Variants in PSMG3 observed in about 807,000 individuals in gnomAD.
The protein encoded by PSMG3 is PAC-3.
In PSMG3, 4 loss-of-function variants were observed where a neutral mutation model predicts 7.9. The ratio of observed to expected loss-of-function variants is 0.51; its 90% CI spans 0.25 to 1.16. PSMG3 has a LOEUF of 1.16. PSMG3 is among the 50% of genes most tolerant of loss of function. PSMG3 has a pLI of 0.15. For missense variants in PSMG3, 151 were observed against 157.4 expected (o/e 0.96, Z 0.22); for synonymous variants, 81 against 69.8 (o/e 1.16, Z -0.80).
Position 1,567,450 on chromosome 7 carries a change from A to G in PSMG3, c.*248T>C. ...ATTCCTCCAATTCTCAAACACAAGC[A>G]ACGATTCAGGTCCTGGTGAGAACCA... is the stretch of plus-strand genomic sequence containing the variant. On this transcript the variant is annotated 3_prime_UTR_variant, in exon 2 of 2. Coordinates refer to ENST00000288607, the MANE Select transcript of PSMG3 (RefSeq NM_032302.4). 1 of 380,152 alleles carries G rather than the reference A, an allele frequency of 2.6e-6. No homozygotes were observed. Among genetic ancestry groups the G allele is most frequent in the African/African-American group, 2.1e-5 (1 of 48,142 alleles). The allele number at this position is 380,152 out of a possible 1,614,324, so 23.5% of individuals were successfully genotyped here.
rs369478332 is a variant in PSMG3, at chr7:1,567,650, T to G, written c.*48A>C. 9 of 1,565,188 alleles carry G rather than the reference T, an allele frequency of 5.8e-6. No homozygotes were observed. In the East Asian group the frequency reaches 9.1e-5, roughly 16 times the overall value. ...AGACTTGAGTCCCTGAGTGGGTGTC[T>G]GGGTGTTCACGTGTCCTGCTGAGCA... On this transcript the variant is annotated 3_prime_UTR_variant, in exon 2 of 2. Transcript: ENST00000288607.
chr7:1,567,636 C>G lies in PSMG3; in HGVS notation c.*62G>C. On this transcript the variant is annotated 3_prime_UTR_variant, in exon 2 of 2. Coordinates refer to ENST00000288607, the MANE Select transcript of PSMG3 (RefSeq NM_032302.4). ...CGGGGAGGGAGGTGAGACTTGAGTC[C>G]CTGAGTGGGTGTCTGGGTGTTCACG... 6 of 1,517,316 alleles carry G rather than the reference C, an allele frequency of 4.0e-6. No homozygotes were observed. Among genetic ancestry groups the G allele is most frequent in the Non-Finnish European group, 4.4e-6 (5 of 1,127,682 alleles). The allele number at this position is 1,517,316 out of a possible 1,614,324, so 94.0% of individuals were successfully genotyped here.
intron 1 of PSMG3, 101 bp downstream of exon 1, chr7:1,569,023 G>T: frequency 1.1e-6 from 1 of 903,598 alleles, no homozygotes; most frequent in South Asian, 1.5e-5. Flanking sequence ...TGTTGCCCAG[G>T]CTGGTTTCAA....
chr7:1,569,360 G>C lies in PSMG3; in HGVS notation c.-21C>G, dbSNP rs967396961. ...TCCATGGCGGGGCTCTGCAGTGGCAGCTTTAATTTAGGTTAAAAAGAAAGG... is the reference window on the plus strand; with the variant it reads ...TCCATGGCGGGGCTCTGCAGTGGCACCTTTAATTTAGGTTAAAAAGAAAGG... On this transcript the variant is annotated 5_prime_UTR_variant, in exon 1 of 2. Transcript: ENST00000288607. 6 of 1,565,034 alleles carry C rather than the reference G, an allele frequency of 3.8e-6. No homozygotes were observed. Among genetic ancestry groups the C allele is most frequent in the Non-Finnish European group, 5.2e-6 (6 of 1,151,606 alleles).
chr7:1,567,788 T>C lies in PSMG3; in HGVS notation c.279A>G (p.Arg93=). ...VAFVSQEAGN[R]AVLLAVAVKD... is the part of the protein sequence containing the mutation. ...TCACGGCCACGGCGAGGAGGACTGC[T>C]CTGTTTCCAGCTTCTTGAGACACAA... The change falls in exon 2 of 2, where the codon AGA becomes AGG. Residue 93 remains arginine (R), a synonymous_variant. Coordinates refer to ENST00000288607, the MANE Select transcript of PSMG3 (RefSeq NM_032302.4). The C allele has an allele frequency of 6.2e-7, 1 of 1,614,152 alleles. No individual in the cohort carries two copies.
chr7:1,568,043 GACCATC>G (rs1778807172), intron 1 of PSMG3, among the ~76,000 whole-genome samples, 193 bp from the exon 2 acceptor site: 1 of 152,064 alleles, frequency 6.6e-6, no homozygotes, highest in Admixed American at 6.6e-5. Context: ...CACTGCTAAA[GACCATC>G]ACTCCATTCA....
At position 1,569,420 on chromosome 7, in the gene PSMG3, G is replaced by C; in HGVS notation, c.-81C>G. ...GGAGTCAATCAAACAGTACAGCCTT[G>C]GGGCTCCCAAAAAAGTAGCACGGGG... On this transcript the variant is annotated 5_prime_UTR_variant, in exon 1 of 2. Coordinates refer to ENST00000288607, the MANE Select transcript of PSMG3 (RefSeq NM_032302.4). 8.3e-7 allele frequency: 1 copy of C among 1,206,854 alleles called. No homozygotes were observed. Among genetic ancestry groups the C allele is most frequent in the Non-Finnish European group, 1.1e-6 (1 of 880,894 alleles). The allele number at this position is 1,206,854 out of a possible 1,614,324, so 74.8% of individuals were successfully genotyped here. A position where few individuals can be genotyped will look rare whatever the true frequency, so the allele number is the denominator to read the frequency against.
At chr7:1,568,742 G>T (rs997143722) in intron 1 of PSMG3, among the ~76,000 whole-genome samples, 2 of 152,106 alleles carry the variant, frequency 1.3e-5, no homozygotes, top group Non-Finnish European at 2.9e-5. Flanking sequence ...CCGCCTCTCG[G>T]GTTCAAGCGA....
At position 1,570,025 on chromosome 7, in the gene PSMG3, C is replaced by G. The variant is rs1447253915; in HGVS notation, c.-686G>C. ...CGCGCTCACCAAGCCGGCGCCGCGCCCGGAAGTGGCTCTGCGTGCGCCACG... is the reference window on the plus strand; with the variant it reads ...CGCGCTCACCAAGCCGGCGCCGCGCGCGGAAGTGGCTCTGCGTGCGCCACG... On this transcript the variant is annotated 5_prime_UTR_variant, in exon 1 of 2. Coordinates refer to ENST00000288607, the MANE Select transcript of PSMG3 (RefSeq NM_032302.4). The G allele has an allele frequency of 6.6e-6, 1 of 152,072 alleles. No individual in the cohort carries two copies. Among genetic ancestry groups the G allele is most frequent in the African/African-American group, 2.4e-5 (1 of 41,430 alleles). The allele number at this position is 152,072 out of a possible 1,614,324, so 9.4% of individuals were successfully genotyped here. A position where few individuals can be genotyped will look rare whatever the true frequency, so the allele number is the denominator to read the frequency against.
Position 1,569,254 on chromosome 7 carries a change from C to A in PSMG3, c.86G>T (p.Ser29Ile). ...VPTQVVCTAF[S>I]SHILVVVTQF... ...GGTCACCACCACCAGGATGTGACTG[C>A]TGAAGGCCGTACACACCACCTGGGT... The change falls in exon 1 of 2, where the codon AGC (serine) becomes ATC (isoleucine). Residue 29 changes from serine (S) to isoleucine (I), a missense_variant. By Grantham distance (142) the Ser-to-Ile change is moderately radical. Transcript: ENST00000288607. 6.2e-7 allele frequency: 1 copy of A among 1,613,766 alleles called. No homozygotes were observed. Among genetic ancestry groups the A allele is most frequent in the Non-Finnish European group, 8.5e-7 (1 of 1,180,024 alleles).
At chr7:1,568,733 C>T (rs1330033562) in intron 1 of PSMG3, among the ~76,000 whole-genome samples, 4 of 152,068 alleles carry the variant, frequency 2.6e-5, no homozygotes, top group South Asian at 2.1e-4. Context: ...CTGCAACCTC[C>T]GCCTCTCGGG....
rs574660156 is a variant in PSMG3 at position 1,569,726 on chromosome 7, T to C, written c.-387A>G. On this transcript the variant is annotated 5_prime_UTR_variant, in exon 1 of 2. The change abolishes an upstream ATG in the 5' untranslated region. Transcript: ENST00000288607. ...GCTGCGGTGAGCCGTGATCACACCA[T>C]TGCATTACAACCCGGGCGGTAGAGC... 3.6e-4 allele frequency: 64 copies of C among 177,102 alleles called. No homozygotes were observed. Among genetic ancestry groups the C allele is most frequent in the East Asian group, 2.4e-3 (15 of 6,264 alleles). 11.0% of individuals were successfully genotyped at this position (177,102 alleles called of 1,614,324 possible). A position where few individuals can be genotyped will look rare whatever the true frequency, so the allele number is the denominator to read the frequency against.
chr7:1,569,605 CAAAAAA>C lies in PSMG3; in HGVS notation c.-272_-267del, dbSNP rs60165118. ...AACATAGCGAGACCCCCATCTCTAC[CAAAAAA>C]AAAAAAAAAAAAAACCAGCAGGGCG... On this transcript the variant is annotated 5_prime_UTR_variant, in exon 1 of 2. Transcript: ENST00000288607. 16 of 102,138 alleles carry C rather than the reference CAAAAAA, an allele frequency of 1.6e-4. No homozygotes were observed. The highest frequency in any genetic ancestry group is 2.5e-4 in the South Asian group (1 of 4,006). The allele number at this position is 102,138 out of a possible 1,614,324, so 6.3% of individuals were successfully genotyped here.
chr7:1,569,315 A>G lies in PSMG3; in HGVS notation c.25T>C (p.Ser9Pro). The G allele has an allele frequency of 4.3e-6, 7 of 1,610,414 alleles. No individual in the cohort carries two copies. Among genetic ancestry groups the G allele is most frequent in the South Asian group, 1.1e-5 (1 of 90,810 alleles). MEDTPLVI[S>P]KQKTEVVCGV... ...CACACCACCTCCGTCTTCTGCTTCG[A>G]TATCACCAACGGCGTGTCTTCCATG... The change falls in exon 1 of 2, where the codon TCG becomes CCG. Residue 9 changes from serine (S) to proline (P), a missense_variant. Physicochemically the swap from Ser to Pro is moderately conservative, Grantham distance 74. Coordinates refer to ENST00000288607, the MANE Select transcript of PSMG3 (RefSeq NM_032302.4).
At position 1,569,205 on chromosome 7, in the gene PSMG3, C is replaced by T. The variant is rs770332064; in HGVS notation, c.135G>A (p.Leu45=). 1 of 1,613,532 alleles carries T rather than the reference C, an allele frequency of 6.2e-7. No individual in the cohort carries two copies. ...VVTQFGKMGT[L]VSLEPSSVAS... ...CCACGCTGCTGGGCTCCAGGGAGAC[C>T]AGGGTGCCCATCTTCCCAAACTGGG... The change falls in exon 1 of 2, where the codon CTG becomes CTA. Residue 45 remains leucine (L), a synonymous_variant. Coordinates refer to ENST00000288607, the MANE Select transcript of PSMG3 (RefSeq NM_032302.4).
intron 1 of PSMG3, among the ~76,000 whole-genome samples, chr7:1,568,379 C>T (rs936033382): frequency 6.6e-6 from 1 of 151,966 alleles, no homozygotes; most frequent in South Asian, 2.1e-4. Flanking sequence ...CCGCCAGATG[C>T]CCCATGTCCT....
At position 1,569,367 on chromosome 7, in the gene PSMG3, T is replaced by C. The variant is rs1270997800; in HGVS notation, c.-28A>G. The C allele has an allele frequency of 2.6e-6, 4 of 1,545,884 alleles. No homozygotes were observed. The highest frequency in any genetic ancestry group is 1.9e-5 in the Admixed American group (1 of 52,808). On this transcript the variant is annotated 5_prime_UTR_variant, in exon 1 of 2. Coordinates refer to ENST00000288607, the MANE Select transcript of PSMG3 (RefSeq NM_032302.4). ...CGGGGCTCTGCAGTGGCAGCTTTAA[T>C]TTAGGTTAAAAAGAAAGGGGAAAAA... is the stretch of plus-strand genomic sequence containing the variant.
rs550563429 is a variant in PSMG3 at position 1,567,397 on chromosome 7, G to C, written c.*301C>G. ...CTCCTACAATTGATCCTGCACACGG[G>C]GGGGCCATGAGCCACGCCTGCTGAC... is the stretch of plus-strand genomic sequence containing the variant. On this transcript the variant is annotated 3_prime_UTR_variant, in exon 2 of 2. Coordinates refer to ENST00000288607, the MANE Select transcript of PSMG3 (RefSeq NM_032302.4). The C allele has an allele frequency of 5.4e-5, 17 of 313,054 alleles. No homozygotes were observed. Among genetic ancestry groups the C allele is most frequent in the Admixed American group, 2.0e-4 (4 of 20,016 alleles). The allele number at this position is 313,054 out of a possible 1,614,324, so 19.4% of individuals were successfully genotyped here. A position where few individuals can be genotyped will look rare whatever the true frequency, so the allele number is the denominator to read the frequency against.
chr7:1,567,935 C>A, intron 1 of PSMG3, 85 bp from the exon 2 acceptor site: 1 of 1,358,768 alleles, frequency 7.4e-7, no homozygotes, highest in Non-Finnish European at 1.0e-6. Flanking sequence ...CCCTTAGGAA[C>A]CCAGGCAGGC....
Sources: allele counts gnomAD v4.1 joint callset (sites outside exome capture counted in the v4.1 genomes callset), GRCh38; gene constraint gnomAD v4.1.1; transcripts MANE v1.5; gene names NCBI Gene and HGNC (gene_info 2026-07-23, HGNC 2026-07-21).